Variants in NSMCE4A observed in about 807,000 individuals in gnomAD.
The protein encoded by NSMCE4A is NSE4A component of SMC5/6 complex.
NSMCE4A carries 40 observed loss-of-function variants against 47.9 expected under a neutral mutation model. The ratio of observed to expected loss-of-function variants is 0.83; its 90% CI spans 0.65 to 1.09. NSMCE4A has a LOEUF of 1.09. Among genes scored for constraint, NSMCE4A ranks in the 50% least tolerant of loss-of-function variants. The probability of loss-of-function intolerance (pLI) is 0.00; values close to 1 mark genes in which losing one functional copy is unlikely to be tolerated. For synonymous variants in NSMCE4A, 166 were observed against 178.5 expected (o/e 0.93, Z 0.56); for missense variants, 500 against 507.0 (o/e 0.99, Z 0.13).
chr10:121,957,387 A>G (rs1313600270), intron 10 of NSMCE4A, 128 bp from the exon 11 acceptor site: 5 of 150,550 alleles, frequency 3.3e-5, no homozygotes, highest in Admixed American at 1.3e-4. Context: ...TCCACATTAT[A>G]TATCTTAAAT....
rs769347597 is a variant in NSMCE4A, at chr10:121,963,232, A to G, written c.844+6T>C. The G allele has an allele frequency of 3.8e-6, 6 of 1,579,418 alleles. No individual in the cohort carries two copies. Among genetic ancestry groups the G allele is most frequent in the Non-Finnish European group, 5.2e-6 (6 of 1,148,944 alleles). ...ATTGCTCCACTTTGAATGGTGTTAC[A>G]CTTACGATCTTCTCGAAAATATGTC... On this transcript the variant is annotated splice_donor_region_variant and intron_variant, in intron 6 of 10. Coordinates refer to ENST00000369023, the MANE Select transcript of NSMCE4A (RefSeq NM_017615.3).
chr10:121,961,005 C>T (rs912780495), intron 7 of NSMCE4A, among the ~76,000 whole-genome samples: 2 of 151,986 alleles, frequency 1.3e-5, no homozygotes, highest in Admixed American at 6.6e-5. Context: ...TTAGTTACCA[C>T]GTTTACTTTA....
chr10:121,971,078 A>T lies in NSMCE4A; in HGVS notation c.371-9T>A, dbSNP rs1336305385. On this transcript the variant is annotated splice_polypyrimidine_tract_variant and intron_variant, in intron 2 of 10. Coordinates refer to ENST00000369023, the MANE Select transcript of NSMCE4A (RefSeq NM_017615.3). The stretch of plus-strand genomic sequence containing the variant: ...TTCTCTTGCTCGGGACACTATTCAA[A>T]AAAGAAAGAAAATATTCACATTACA... The T allele has an allele frequency of 6.2e-7, 1 of 1,602,360 alleles. No homozygotes were observed. The highest frequency in any genetic ancestry group is 1.1e-5 in the South Asian group (1 of 88,958).
Position 121,965,333 on chromosome 10 carries a change from G to A in NSMCE4A, c.706C>T (p.Pro236Ser), listed in dbSNP as rs1202818383. 6.2e-7 allele frequency: 1 copy of A among 1,613,786 alleles called. No individual in the cohort carries two copies. Among genetic ancestry groups the A allele is most frequent in the African/African-American group, 1.3e-5 (1 of 74,912 alleles). The change falls in exon 5 of 11, where the codon CCA becomes TCA. Residue 236 changes from proline to serine, a missense_variant. Pro to Ser is a moderately conservative substitution (Grantham distance 74, BLOSUM62 -1). Coordinates refer to ENST00000369023, the MANE Select transcript of NSMCE4A (RefSeq NM_017615.3). ...CPVPKPRVDR[P>S]RKVPVIQEER... ...TCTTGTATCACAGGAACTTTTCTTG[G>A]ACGATCAACTCGTGGCTTTGGCACA...
Position 121,975,169 on chromosome 10 carries a change from G to T in NSMCE4A, c.-4C>A. 1 of 1,373,236 alleles carries T rather than the reference G, an allele frequency of 7.3e-7. No homozygotes were observed. Among genetic ancestry groups the T allele is most frequent in the Non-Finnish European group, 9.3e-7 (1 of 1,071,076 alleles). The allele number at this position is 1,373,236 out of a possible 1,614,324, so 85.1% of individuals were successfully genotyped here. Reference sequence around the variant, plus strand: ...GGCCGCTGCTGTCCCCAGACATAGCGCCAATTCACCGTGCAACTTCGGAAC... The same window carrying T: ...GGCCGCTGCTGTCCCCAGACATAGCTCCAATTCACCGTGCAACTTCGGAAC... On this transcript the variant is annotated 5_prime_UTR_variant, in exon 1 of 11. Coordinates refer to ENST00000369023, the MANE Select transcript of NSMCE4A (RefSeq NM_017615.3).
intron 1 of NSMCE4A, chr10:121,974,342 G>C (rs1166989907): frequency 9.4e-6 from 12 of 1,281,880 alleles, no homozygotes; most frequent in Non-Finnish European, 1.1e-5. Flanking sequence ...TGCAGCCTCT[G>C]AGTGCTCCAT....
chr10:121,965,368 C>G lies in NSMCE4A; in HGVS notation c.671G>C (p.Gly224Ala). The G allele has an allele frequency of 6.2e-7, 1 of 1,613,098 alleles. No homozygotes were observed. Among genetic ancestry groups the G allele is most frequent in the Non-Finnish European group, 8.5e-7 (1 of 1,179,546 alleles). Reference protein sequence around the residue: ...TFHFLLGSIYGECPVPKPRVD... With the variant: ...TFHFLLGSIYAECPVPKPRVD... ...TCGTGGCTTTGGCACAGGGCACTCTCCGTATATTGAACCCAACCTAATGAA... is the reference window on the plus strand; with the variant it reads ...TCGTGGCTTTGGCACAGGGCACTCTGCGTATATTGAACCCAACCTAATGAA... Residue 224 changes from glycine (G) to alanine (A), a missense_variant, in exon 5 of 11, where the codon GGA (glycine) becomes GCA (alanine). By Grantham distance (60) the Gly-to-Ala change is moderately conservative (BLOSUM62 0). Transcript: ENST00000369023.
rs754530724 is a variant in NSMCE4A, at chr10:121,965,320, G to C, written c.719C>G (p.Pro240Arg). The C allele has an allele frequency of 1.2e-6, 2 of 1,613,818 alleles. No homozygotes were observed. The highest frequency in any genetic ancestry group is 1.7e-6 in the Non-Finnish European group (2 of 1,179,842). The change falls in exon 5 of 11, where the codon CCT (proline) becomes CGT (arginine). Residue 240 changes from proline (P) to arginine (R), a missense_variant. By Grantham distance (103) the Pro-to-Arg change is moderately radical. Coordinates refer to ENST00000369023, the MANE Select transcript of NSMCE4A (RefSeq NM_017615.3). ...KPRVDRPRKV[P>R]VIQEERAMPA... Reference sequence around the variant, plus strand: ...CATTGCCCTCTCCTCTTGTATCACAGGAACTTTTCTTGGACGATCAACTCG... The same window carrying C: ...CATTGCCCTCTCCTCTTGTATCACACGAACTTTTCTTGGACGATCAACTCG...
chr10:121,959,529 A>C lies in NSMCE4A; in HGVS notation c.1055T>G (p.Ile352Ser), dbSNP rs1346496801. Residue 352 changes from isoleucine to serine, a missense_variant, in exon 9 of 11, where the codon ATT becomes AGT. By Grantham distance (142) the Ile-to-Ser change is moderately radical. Transcript: ENST00000369023. Reference sequence around the variant, plus strand: ...CCAGTCACGGTAACTCAAAGCTATAATTCCTTGATTTCTAACTTGTGTGTT... The same window carrying C: ...CCAGTCACGGTAACTCAAAGCTATACTTCCTTGATTTCTAACTTGTGTGTT... ...EHNTQVRNQG[I>S]IALSYRDWEE... 1 of 1,613,994 alleles carries C rather than the reference A, an allele frequency of 6.2e-7. No individual in the cohort carries two copies. Among genetic ancestry groups the C allele is most frequent in the Non-Finnish European group, 8.5e-7 (1 of 1,179,972 alleles).
intron 7 of NSMCE4A, 85 bp downstream of exon 7, chr10:121,961,338 C>T (rs1002814458): frequency 2.5e-5 from 22 of 887,114 alleles, no homozygotes; most frequent in Non-Finnish European, 3.6e-5. Flanking sequence ...ATACAGATAC[C>T]TTTGCCAGCT....
chr10:121,959,267 T>A lies in NSMCE4A; in HGVS notation c.*12+57A>T, dbSNP rs1357274432. The stretch of plus-strand genomic sequence containing the variant: ...CACTGGAATGGGGAAAAGGGATACT[T>A]TGGATTGCCAAATGAACTTTAATAG... On this transcript the variant is annotated intron_variant, in intron 10 of 10. Transcript: ENST00000369023. 3.4e-6 allele frequency: 5 copies of A among 1,460,968 alleles called. No homozygotes were observed. The South Asian group carries it at 5.7e-5, about 17-fold the overall frequency. The allele number at this position is 1,460,968 out of a possible 1,614,324, so 90.5% of individuals were successfully genotyped here. A position where few individuals can be genotyped will look rare whatever the true frequency, so the allele number is the denominator to read the frequency against.
At chr10:121,970,788 G>A (rs992832810) in intron 3 of NSMCE4A, 151 bp downstream of exon 3, 11 of 596,840 alleles carry the variant, frequency 1.8e-5, no homozygotes, top group Admixed American at 7.4e-5. Flanking sequence ...TTCTACTTTC[G>A]TCTGTTTAAA....
Position 121,967,745 on chromosome 10 carries a change from G to A in NSMCE4A, c.563C>T (p.Pro188Leu). Residue 188 changes from proline to leucine, a missense_variant, in exon 4 of 11, where the codon CCT becomes CTT. Coordinates refer to ENST00000369023, the MANE Select transcript of NSMCE4A (RefSeq NM_017615.3). ...GTCATAGACTATGAATTCAAAATCA[G>A]GACTATCTTCATCACGGATGAGTTC... is the stretch of plus-strand genomic sequence containing the variant. ...AEELIRDEDS[P>L]DFEFIVYDSW... 2 of 1,614,028 alleles carry A rather than the reference G, an allele frequency of 1.2e-6. No homozygotes were observed. Among genetic ancestry groups the A allele is most frequent in the Non-Finnish European group, 8.5e-7 (1 of 1,179,978 alleles).
At chr10:121,967,490 A>G (rs2134763780) in intron 4 of NSMCE4A, 165 bp downstream of exon 4, 1 of 688,394 alleles carries the variant, frequency 1.5e-6, no homozygotes, top group Non-Finnish European at 2.3e-6. Context: ...GAGCCACCAC[A>G]CCCGGCCTAG....
At chr10:121,969,135 G>T (rs928297323) in intron 3 of NSMCE4A, among the ~76,000 whole-genome samples, 1 of 152,182 alleles carries the variant, frequency 6.6e-6, no homozygotes, top group Non-Finnish European at 1.5e-5. Context: ...ACGAAGTCAG[G>T]AGTTCGAGGC....
At chr10:121,968,164 G>A (rs1255434378) in intron 3 of NSMCE4A, among the ~76,000 whole-genome samples, 2 of 152,194 alleles carry the variant, frequency 1.3e-5, no homozygotes, top group Non-Finnish European at 2.9e-5. Flanking sequence ...CATATACTGG[G>A]TAGAGGCCAT....
At chr10:121,968,513 G>A (rs774845287) in intron 3 of NSMCE4A, among the ~76,000 whole-genome samples, 6 of 152,154 alleles carry the variant, frequency 3.9e-5, no homozygotes, top group Admixed American at 6.5e-5. Flanking sequence ...TATCCAGAGA[G>A]CAGTGGCCCG....
At chr10:121,957,707 T>A (rs2134726553) in intron 10 of NSMCE4A, among the ~76,000 whole-genome samples, 1 of 152,192 alleles carries the variant, frequency 6.6e-6, no homozygotes, top group East Asian at 1.9e-4. Context: ...GTGCTGAGAT[T>A]ACTGGTGTGA....
chr10:121,958,900 C>T (rs1024544970), intron 10 of NSMCE4A, among the ~76,000 whole-genome samples: 2 of 151,416 alleles, frequency 1.3e-5, no homozygotes, highest in Admixed American at 6.7e-5. Flanking sequence ...CTGCAACCTC[C>T]ACCTCCCGGG....
Sources: allele counts gnomAD v4.1 joint callset (sites outside exome capture counted in the v4.1 genomes callset), GRCh38; gene constraint gnomAD v4.1.1; transcripts MANE v1.5; gene names NCBI Gene and HGNC (gene_info 2026-07-23, HGNC 2026-07-21).